Variants in LOC112694756 observed in about 807,000 individuals in gnomAD.
chr16:30,069,215 C>G, the LOC112694756 span: 18 of 1,479,888 alleles, frequency 1.2e-5, no homozygotes, highest in Non-Finnish European at 1.6e-5. Flanking sequence ...CTGGCATCAT[C>G]AAGATACGGT....
At chr16:30,063,854 C>A in the LOC112694756 span, 2 of 399,120 alleles carry the variant, frequency 5.0e-6, no homozygotes, top group African/African-American at 2.1e-5. Context: ...GACCCAGGGC[C>A]CCTGCCCTCT....
At chr16:30,054,700 C>G in the LOC112694756 span, 1 of 399,078 alleles carries the variant, frequency 2.5e-6, no homozygotes, top group East Asian at 3.6e-5. Context: ...CTCTCCCAGC[C>G]ACCTCCTCGT....
At chr16:30,056,105 G>GTTTTTTT in the LOC112694756 span, among the ~76,000 whole-genome samples, 3 of 119,546 alleles carry the variant, frequency 2.5e-5, no homozygotes, top group African/African-American at 6.4e-5. Flanking sequence ...CCCAGCCATG[G>GTTTTTTT]TTTTTTTTTT....
chr16:30,063,794 C>A, the LOC112694756 span: 1 of 399,258 alleles, frequency 2.5e-6, no homozygotes, highest in Non-Finnish European at 4.4e-6. Flanking sequence ...GCCAGCTCCC[C>A]GACTGCCAGA....
the LOC112694756 span, chr16:30,068,944 A>G: frequency 1.0e-4 from 166 of 1,614,056 alleles, no homozygotes; most frequent in African/African-American, 1.1e-4. Context: ...GAAAATGCCA[A>G]TGTTCTGGCC....
chr16:30,068,960 T>G, the LOC112694756 span: 1 of 1,614,248 alleles, frequency 6.2e-7, no homozygotes, highest in African/African-American at 1.3e-5. Flanking sequence ...TGGCCCGTTA[T>G]GCCAGTATCT....
chr16:30,054,782 A>G, the LOC112694756 span: 8 of 399,032 alleles, frequency 2.0e-5, no homozygotes, highest in Non-Finnish European at 3.1e-5. Flanking sequence ...GTACTCGTCC[A>G]GGCCTCCTCT....
At chr16:30,067,766 G>C in the LOC112694756 span, 1 of 1,334,486 alleles carries the variant, frequency 7.5e-7, no homozygotes, top group Non-Finnish European at 1.1e-6. Flanking sequence ...CTAGAGACTT[G>C]CATGGAGCCT....
the LOC112694756 span, chr16:30,067,503 C>T: frequency 1.2e-6 from 2 of 1,613,746 alleles, no homozygotes; most frequent in East Asian, 2.2e-5. Flanking sequence ...CGAGGAGAAC[C>T]GGCGCTTCTA....
At chr16:30,070,255 C>T in the LOC112694756 span, 2 of 1,597,176 alleles carry the variant, frequency 1.3e-6, no homozygotes, top group Non-Finnish European at 1.7e-6. Flanking sequence ...CAGGCCCTGC[C>T]CCCTCCCACT....
chr16:30,069,533 A>G, the LOC112694756 span: 24 of 1,613,936 alleles, frequency 1.5e-5, no homozygotes, highest in East Asian at 6.7e-5. Context: ...CTGAGTGACC[A>G]CCACATCTAC....
the LOC112694756 span, chr16:30,068,685 G>A: frequency 6.8e-6 from 11 of 1,614,190 alleles, no homozygotes; most frequent in Non-Finnish European, 6.8e-6. Context: ...GACAAATGGC[G>A]AGACTACCAC....
chr16:30,068,493 C>T, the LOC112694756 span: 1 of 833,998 alleles, frequency 1.2e-6, no homozygotes, highest in East Asian at 2.6e-5. Flanking sequence ...CGCCCAGCTA[C>T]CTAGGAGGCT....
the LOC112694756 span, chr16:30,069,469 A>G: frequency 4.3e-6 from 7 of 1,611,060 alleles, no homozygotes; most frequent in African/African-American, 1.3e-5. Flanking sequence ...CCTCCACCCC[A>G]CTACCCACCG....
chr16:30,068,699 A>C, the LOC112694756 span: 1 of 1,614,224 alleles, frequency 6.2e-7, no homozygotes, highest in Non-Finnish European at 8.5e-7. Context: ...CTACCACCCA[A>C]GGTGAGAACT....
chr16:30,067,212 C>T, the LOC112694756 span: 5 of 1,612,000 alleles, frequency 3.1e-6, no homozygotes, highest in African/African-American at 2.7e-5. Context: ...ACTAGTCCTT[C>T]CCCTCTGTTT....
the LOC112694756 span, among the ~76,000 whole-genome samples, chr16:30,058,032 C>T: frequency 6.6e-6 from 1 of 152,178 alleles, no homozygotes; most frequent in African/African-American, 2.4e-5. Flanking sequence ...CCCCCTACCC[C>T]TTCTGTCTAT....
the LOC112694756 span, chr16:30,055,332 G>C: frequency 2.5e-6 from 1 of 399,266 alleles, no homozygotes. Context: ...AGAGCTGTGA[G>C]TTCCATTCCT....
the LOC112694756 span, chr16:30,067,497 G>C: frequency 6.2e-7 from 1 of 1,613,712 alleles, no homozygotes. Context: ...GAACACCGAG[G>C]AGAACCGGCG....
Sources: gnomAD v4.1 joint callset for allele counts (sites outside exome capture counted in the v4.1 genomes callset) on GRCh38, gnomAD v4.1.1 for gene constraint, MANE v1.5 for transcripts.